The following LCOR variants were observed in gnomAD, a reference collection of about 807,000 sequenced individuals.
The protein encoded by LCOR is ligand dependent nuclear receptor corepressor, also known as ligand-dependent corepressor.
Under a neutral mutation model 64.4 loss-of-function variants are expected in LCOR, and 14 were observed. The ratio of observed to expected loss-of-function variants is 0.22; its 90% confidence interval spans 0.14 to 0.34. The LOEUF (loss-of-function observed/expected upper bound fraction) is 0.34, where lower values mean the gene tolerates loss of function less well. Among genes scored for constraint, LCOR ranks in the 10% least tolerant of loss-of-function variants. The pLI is 1.00. For synonymous variants in LCOR, 643 were observed against 642.5 expected, an observed-to-expected ratio of 1.00 and a Z score of -0.01; for missense variants, 1,686 against 1,765.3, an observed-to-expected ratio of 0.96 and a Z score of 0.80.
chr10:96,984,392 G>A lies in LCOR; in HGVS notation c.3932G>A (p.Arg1311Lys). The change falls in exon 8 of 8, where the codon AGA becomes AAA. Residue 1311 changes from arginine (R) to lysine (K), a missense_variant. This residue lies in a region of LCOR where 1,293 missense variants were observed against 1,410.4 expected (regional missense o/e 0.92). Transcript: ENST00000421806. ...LPTPASTRIL[R>K]KYSNIRGKLR... The stretch of plus-strand genomic sequence containing the variant: ...ACTCCAGCCAGTACCCGGATTCTTA[G>A]AAAATATTCCAATATTCGAGGAAAG... The A allele has an allele frequency of 6.2e-7, 1 of 1,614,186 alleles. No homozygotes were observed. Among genetic ancestry groups the A allele is most frequent in the East Asian group, 2.2e-5 (1 of 44,890 alleles).
intron 2 of LCOR, among the ~76,000 whole-genome samples, chr10:96,840,827 T>C (rs1185366942): frequency 6.6e-6 from 1 of 152,242 alleles, no homozygotes; most frequent in Non-Finnish European, 1.5e-5. Context: ...GCGTTTGTTA[T>C]AACTTCTGAA....
chr10:96,933,339 G>T (rs921614607), intron 4 of LCOR, among the ~76,000 whole-genome samples: 7 of 152,154 alleles, frequency 4.6e-5, no homozygotes, highest in African/African-American at 1.7e-4. Flanking sequence ...AACCTTGTAG[G>T]ATTTCTGTGC....
chr10:96,984,924 G>A lies in LCOR; in HGVS notation c.4464G>A (p.Ser1488=), dbSNP rs547253422. Residue 1488 remains serine (S), a synonymous_variant, in exon 8 of 8, where the codon TCG becomes TCA. Transcript: ENST00000421806. ...AAAGGCCTTCCCAGTCTATTGCCTC[G>A]GAAACACTGACGAAACCTGCAAAAC... ...TNKRPSQSIA[S]ETLTKPAKQK... is the part of the protein sequence containing the mutation. The A allele has an allele frequency of 1.7e-5, 27 of 1,613,984 alleles. No homozygotes were observed. Among genetic ancestry groups the A allele is most frequent in the Non-Finnish European group, 1.9e-5 (22 of 1,180,012 alleles).
chr10:96,861,518 A>G (rs941099777), intron 2 of LCOR, among the ~76,000 whole-genome samples: 6 of 151,988 alleles, frequency 3.9e-5, no homozygotes, highest in Admixed American at 1.3e-4. Context: ...TGCAGTGGAC[A>G]CTAGGTGAGT....
At chr10:96,943,711 A>G (rs946162459) in intron 4 of LCOR, among the ~76,000 whole-genome samples, 2 of 152,040 alleles carry the variant, frequency 1.3e-5, no homozygotes, top group Non-Finnish European at 2.9e-5. Context: ...TGATCCTCAA[A>G]TGAGATTTGG....
intron 2 of LCOR, among the ~76,000 whole-genome samples, chr10:96,874,054 G>C (rs1846122635): frequency 6.6e-6 from 1 of 152,106 alleles, no homozygotes. Context: ...TTGCTTTACT[G>C]AATGGAAATT....
chr10:96,862,555 C>G (rs1845904988), intron 2 of LCOR, among the ~76,000 whole-genome samples: 1 of 152,180 alleles, frequency 6.6e-6, no homozygotes, highest in Non-Finnish European at 1.5e-5. Flanking sequence ...CATGCATCAC[C>G]AAGTCCAGCC....
chr10:96,860,686 TAA>T (rs2134391630), intron 2 of LCOR, among the ~76,000 whole-genome samples: 1 of 152,352 alleles, frequency 6.6e-6, no homozygotes, highest in African/African-American at 2.4e-5. Context: ...ATGCTGACCA[TAA>T]GTTTTCCCGG....
chr10:96,833,270 C>G (rs1271406668), intron 1 of LCOR, 136 bp from the exon 2 acceptor site: 3 of 957,654 alleles, frequency 3.1e-6, no homozygotes, highest in African/African-American at 3.5e-5. Flanking sequence ...CCCCCCGCCT[C>G]CCGGACCTTG....
At chr10:96,840,378 A>G (rs550060446) in intron 2 of LCOR, among the ~76,000 whole-genome samples, 2 of 152,306 alleles carry the variant, frequency 1.3e-5, no homozygotes, top group East Asian at 3.9e-4. Context: ...AGTAAAAACT[A>G]GTATTTGTTG....
At chr10:96,858,729 A>T (rs1023782234) in intron 2 of LCOR, among the ~76,000 whole-genome samples, 3 of 152,132 alleles carry the variant, frequency 2.0e-5, no homozygotes, top group South Asian at 2.1e-4. Context: ...TTGTTTTTTT[A>T]AAATAACTCT....
intron 4 of LCOR, among the ~76,000 whole-genome samples, chr10:96,921,670 G>A (rs187326015): frequency 9.2e-4 from 140 of 152,162 alleles, no homozygotes; most frequent in Middle Eastern, 6.8e-3. Context: ...TACCATGTTG[G>A]CCAGGCTGGT....
rs1168652788 is a variant in LCOR, at chr10:96,991,034, A to AG, written c.*5900_*5901insG. 4 of 151,310 alleles carry AG rather than the reference A, an allele frequency of 2.6e-5. No homozygotes were observed. The highest frequency in any genetic ancestry group is 9.7e-5 in the African/African-American group (4 of 41,304). 9.4% of individuals were successfully genotyped at this position (151,310 alleles called of 1,614,324 possible). A position where few individuals can be genotyped will look rare whatever the true frequency, so the allele number is the denominator to read the frequency against. On this transcript the variant is annotated 3_prime_UTR_variant, in exon 8 of 8. Coordinates refer to ENST00000421806, the MANE Select transcript of LCOR (RefSeq NM_001346516.2). ...TTAAAGGGTTATGTAAAAAAAAAAA[A>AG]AAAAAAAAAAAGCAACTATATGTGG... is the stretch of plus-strand genomic sequence containing the variant.
In LCOR at chr10:96,833,492, T is replaced by A; in HGVS notation, c.-330+13T>A. The stretch of plus-strand genomic sequence containing the variant: ...CCCCCTCCAAAAAGTAAGTGGCCCG[T>A]GTGGTGTCTCCGCTCCGCCCGCCGC... On this transcript the variant is annotated intron_variant, in intron 2 of 7. Coordinates refer to ENST00000421806, the MANE Select transcript of LCOR (RefSeq NM_001346516.2). The A allele has an allele frequency of 2.0e-6, 2 of 981,778 alleles. No individual in the cohort carries two copies. The highest frequency in any genetic ancestry group is 2.4e-6 in the Non-Finnish European group (2 of 826,192). The allele number at this position is 981,778 out of a possible 1,614,324, so 60.8% of individuals were successfully genotyped here. A position where few individuals can be genotyped will look rare whatever the true frequency, so the allele number is the denominator to read the frequency against.
At chr10:96,865,982 C>G (rs912376923) in intron 2 of LCOR, among the ~76,000 whole-genome samples, 10 of 151,970 alleles carry the variant, frequency 6.6e-5, no homozygotes, top group African/African-American at 2.4e-4. Flanking sequence ...TAACTGATTC[C>G]TATCATTATA....
At chr10:96,959,287 G>T (rs1216286967) in intron 7 of LCOR, 2 of 152,056 alleles carry the variant, frequency 1.3e-5, no homozygotes, top group East Asian at 3.9e-4. Context: ...CATTTTTATG[G>T]TATGGGAAAG....
chr10:96,962,883 C>T (rs532410529), intron 7 of LCOR: 6 of 152,282 alleles, frequency 3.9e-5, no homozygotes, highest in Non-Finnish European at 5.9e-5. Context: ...AACTAATGTT[C>T]TTAGGAATCC....
At chr10:96,978,900 A>C (rs1266271804) in intron 7 of LCOR, among the ~76,000 whole-genome samples, 1 of 152,242 alleles carries the variant, frequency 6.6e-6, no homozygotes, top group Non-Finnish European at 1.5e-5. Flanking sequence ...AATATCTCAC[A>C]ACAATCCTTT....
rs563293059 is a variant in LCOR at position 96,913,621 on chromosome 10, C to A, written c.-184+5874C>A. 2.6e-5 allele frequency among the ~76,000 whole-genome samples: 4 copies of A among 152,192 alleles called. No individual in the cohort carries two copies. The South Asian group carries it at 8.3e-4, about 32-fold the overall frequency. ...TGATTGGCATATTAGGAGAGTGTTT[C>A]AAGAAGTTAGAACTTGAGGTTGGGT... is the stretch of plus-strand genomic sequence containing the variant. On this transcript the variant is annotated intron_variant, in intron 4 of 7. Coordinates refer to ENST00000421806, the MANE Select transcript of LCOR (RefSeq NM_001346516.2).
Sources: allele counts gnomAD v4.1 joint callset (sites outside exome capture counted in the v4.1 genomes callset), GRCh38; gene constraint gnomAD v4.1.1; regional missense constraint gnomAD v4.1.1; transcripts MANE v1.5; gene names NCBI Gene and HGNC (gene_info 2026-07-23, HGNC 2026-07-21).